Variants in CDH13 observed in about 807,000 individuals in gnomAD.
CDH13 encodes the protein cadherin-13.
CDH13 carries 24 observed loss-of-function variants against 63.8 expected under a neutral mutation model. The ratio of observed to expected loss-of-function variants is 0.38; its 90% confidence interval spans 0.27 to 0.53. The LOEUF (loss-of-function observed/expected upper bound fraction) is 0.53. CDH13 is among the 20% of genes least tolerant of loss of function. The pLI, the probability that CDH13 is intolerant of heterozygous loss-of-function variation, is 0.85. For missense variants in CDH13, 1,049 were observed against 903.1 expected (o/e 1.16, Z -2.07); for synonymous variants, 503 against 355.3 (o/e 1.42, Z -4.67).
At chr16:83,472,095 A>G (rs1469716392) in intron 6 of CDH13, among the ~76,000 whole-genome samples, 2 of 152,110 alleles carry the variant, frequency 1.3e-5, no homozygotes, top group African/African-American at 2.4e-5. Flanking sequence ...CCTGGGCTGA[A>G]TGTTACATGT....
rs2031804619 is a variant in CDH13, at chr16:82,710,213, TTA to T, written c.45+83080_45+83081del. 6.2e-5 allele frequency among the ~76,000 whole-genome samples: 8 copies of T among 130,066 alleles called. No homozygotes were observed. In the South Asian group the frequency reaches 1.8e-3, roughly 30 times the overall value. 85.3% of individuals were successfully genotyped at this position (130,066 alleles called of 152,430 possible). Reference sequence around the variant, plus strand: ...TTTATTATTTATATATTACATTAATTTATATTTATATTCATAAATTTATATAT... The same window carrying T: ...TTTATTATTTATATATTACATTAATTTATTTATATTCATAAATTTATATAT... On this transcript the variant is annotated intron_variant, in intron 1 of 13. Transcript: ENST00000567109.
intron 4 of CDH13, among the ~76,000 whole-genome samples, chr16:83,167,387 C>T (rs957642141): frequency 2.6e-5 from 4 of 151,072 alleles, no homozygotes; most frequent in Admixed American, 2.0e-4. Context: ...ATCCCAGTTA[C>T]TCACTAGGCT....
At chr16:83,780,866 C>T (rs1025195897) in intron 12 of CDH13, among the ~76,000 whole-genome samples, 39 of 152,220 alleles carry the variant, frequency 2.6e-4, no homozygotes, top group African/African-American at 8.7e-4. Context: ...AGACAGAGAA[C>T]TGTGTTAACA....
At chr16:82,822,328 T>A (rs998410433) in intron 1 of CDH13, among the ~76,000 whole-genome samples, 1 of 152,202 alleles carries the variant, frequency 6.6e-6, no homozygotes, top group Non-Finnish European at 1.5e-5. Flanking sequence ...ATAGGCTATT[T>A]GGGATAATGT....
chr16:82,670,930 C>G (rs994439013), intron 1 of CDH13, among the ~76,000 whole-genome samples: 2 of 152,204 alleles, frequency 1.3e-5, no homozygotes, highest in Admixed American at 1.3e-4. Flanking sequence ...ACCGAGGCTT[C>G]TCTGTATTTC....
In CDH13 at chr16:83,532,153, T is replaced by C. The variant is rs140944199; in HGVS notation, c.960+45498T>C. Reference sequence around the variant, plus strand: ...ATGTGCCTTTCACCTGCTGCCATGATTGTGAAGCCTCCTCAACCACAAGGG... The same window carrying C: ...ATGTGCCTTTCACCTGCTGCCATGACTGTGAAGCCTCCTCAACCACAAGGG... On this transcript the variant is annotated intron_variant, in intron 7 of 13. Coordinates refer to ENST00000567109, the MANE Select transcript of CDH13 (RefSeq NM_001257.5). Among the ~76,000 whole-genome samples, 965 of 152,304 alleles carry C rather than the reference T, an allele frequency of 6.3e-3. 16 individuals carry two copies. The highest frequency in any genetic ancestry group is 0.021 in the African/African-American group (890 of 41,568).
At chr16:82,882,288 C>G (rs1157914879) in intron 2 of CDH13, among the ~76,000 whole-genome samples, 1 of 152,164 alleles carries the variant, frequency 6.6e-6, no homozygotes, top group Non-Finnish European at 1.5e-5. Flanking sequence ...GCTGCCATAT[C>G]AGGAATCCTT....
At position 83,047,432 on chromosome 16, in the gene CDH13, G is replaced by C. The variant is rs1039194961; in HGVS notation, c.366+15214G>C. On this transcript the variant is annotated intron_variant, in intron 3 of 13. Transcript: ENST00000567109. The surrounding 1 kb of genome is among the most constrained non-coding windows in gnomAD (Gnocchi z 4.9). ...CTTGTTAACAAAGCCTAGTCTGTAA[G>C]AGCGTGACCACCAGTCTTATTTACC... 6.6e-6 allele frequency among the ~76,000 whole-genome samples: 1 copy of C among 152,112 alleles called. No homozygotes were observed. The highest frequency in any genetic ancestry group is 2.4e-5 in the African/African-American group (1 of 41,412).
chr16:82,924,290 CAG>C (rs1443843949), intron 2 of CDH13, among the ~76,000 whole-genome samples: 5 of 152,142 alleles, frequency 3.3e-5, no homozygotes, highest in African/African-American at 1.2e-4. Context: ...CTTGTTCATG[CAG>C]AGACAATATA....
At chr16:83,419,914 C>T (rs987115913) in intron 6 of CDH13, among the ~76,000 whole-genome samples, 8 of 122,614 alleles carry the variant, frequency 6.5e-5, no homozygotes, top group Non-Finnish European at 5.3e-5. Context: ...ATCGTCCAAT[C>T]TTTTTTTTTT....
chr16:83,036,479 A>C (rs529767433), intron 3 of CDH13, among the ~76,000 whole-genome samples: 36 of 152,214 alleles, frequency 2.4e-4, no homozygotes, highest in Admixed American at 4.6e-4. Flanking sequence ...AGTAGGTTCT[A>C]TTGGCTCACC....
chr16:83,422,233 A>AT (rs2071736951), intron 6 of CDH13, among the ~76,000 whole-genome samples: 1 of 152,202 alleles, frequency 6.6e-6, no homozygotes, highest in Admixed American at 6.5e-5. Context: ...TATAAAAATA[A>AT]TTCGTTTTGA....
intron 7 of CDH13, among the ~76,000 whole-genome samples, chr16:83,532,841 T>C (rs2075109996): frequency 6.6e-6 from 1 of 152,202 alleles, no homozygotes; most frequent in Non-Finnish European, 1.5e-5. Context: ...TTATGAGCCA[T>C]GCGTTGTGCC....
At chr16:83,674,363 C>G (rs1473154595) in intron 9 of CDH13, among the ~76,000 whole-genome samples, 1 of 152,126 alleles carries the variant, frequency 6.6e-6, no homozygotes, top group Non-Finnish European at 1.5e-5. Context: ...ATGCTGCATC[C>G]TAATGCAGGA....
chr16:83,055,072 A>G (rs1456847279), intron 3 of CDH13, among the ~76,000 whole-genome samples: 3 of 152,100 alleles, frequency 2.0e-5, no homozygotes, highest in African/African-American at 7.2e-5. Flanking sequence ...ACTATGCAAT[A>G]TATGTTGAAA....
At chr16:83,418,343 A>G (rs2071614370) in intron 6 of CDH13, among the ~76,000 whole-genome samples, 1 of 152,212 alleles carries the variant, frequency 6.6e-6, no homozygotes. Flanking sequence ...TAAAATAAAT[A>G]CAAGCATCCT....
chr16:83,796,182 G>A lies in CDH13; in HGVS notation c.*1152G>A, dbSNP rs1410330589. 6 of 152,382 alleles carry A rather than the reference G, an allele frequency of 3.9e-5. No homozygotes were observed. Among genetic ancestry groups the A allele is most frequent in the East Asian group, 3.8e-4 (2 of 5,196 alleles). The allele number at this position is 152,382 out of a possible 1,614,324, so 9.4% of individuals were successfully genotyped here. A position where few individuals can be genotyped will look rare whatever the true frequency, so the allele number is the denominator to read the frequency against. On this transcript the variant is annotated 3_prime_UTR_variant, in exon 14 of 14. Transcript: ENST00000567109. ...TTGTATTCTGTGAGCATGTAAAAGC[G>A]GAAAGTTAGTGCTTGTTCTAAGATT...
chr16:82,852,091 C>A (rs553071724), intron 1 of CDH13, among the ~76,000 whole-genome samples: 6 of 152,146 alleles, frequency 3.9e-5, no homozygotes, highest in South Asian at 2.1e-4. Context: ...GGGGATGGAA[C>A]CTGAGAGTGT....
intron 5 of CDH13, among the ~76,000 whole-genome samples, chr16:83,237,614 G>T (rs1006286630): frequency 6.6e-6 from 1 of 152,240 alleles, no homozygotes; most frequent in Non-Finnish European, 1.5e-5. Flanking sequence ...CTGTTGGAAA[G>T]CATAGGTTTT....
Sources: gnomAD v4.1 joint callset for allele counts (sites outside exome capture counted in the v4.1 genomes callset) on GRCh38, gnomAD v4.1.1 for gene constraint, Gnocchi (gnomAD v3.1) non-coding constraint, MANE v1.5 for transcripts, NCBI Gene and HGNC (gene_info 2026-07-23, HGNC 2026-07-21) for gene names.